The following BYSL variants were observed in gnomAD, a reference collection of about 807,000 sequenced individuals.
BYSL encodes bystin.
BYSL carries 21 observed loss-of-function variants against 45.4 expected under a neutral mutation model. The ratio of observed to expected loss-of-function variants is 0.46; its 90% CI spans 0.33 to 0.67. The LOEUF (loss-of-function observed/expected upper bound fraction) is 0.67, where lower values mean the gene tolerates loss of function less well. Among genes scored for constraint, BYSL ranks in the 30% least tolerant of loss-of-function variants. BYSL has a pLI of 0.02. For synonymous variants in BYSL, 215 were observed against 231.3 expected (o/e 0.93, Z 0.64); for missense variants, 522 against 578.5 (o/e 0.90, Z 1.00).
chr6:41,925,795 C>T (rs893191395), intron 1 of BYSL, among the ~76,000 whole-genome samples: 1 of 152,158 alleles, frequency 6.6e-6, no homozygotes, highest in Non-Finnish European at 1.5e-5. Context: ...AAGCGATTCT[C>T]ATGCCTCAGC....
At chr6:41,930,562 A>G in intron 3 of BYSL, 73 bp from the exon 4 acceptor site, 1 of 1,529,738 alleles carries the variant, frequency 6.5e-7, no homozygotes, top group Non-Finnish European at 8.8e-7. Flanking sequence ...AAAAGCACCC[A>G]GACAAGTTCC....
chr6:41,909,873 T>A, the BYSL span, among the ~76,000 whole-genome samples: 1 of 152,228 alleles, frequency 6.6e-6, no homozygotes, highest in Non-Finnish European at 1.5e-5. Flanking sequence ...TATAATCTTT[T>A]GTATATTATC....
rs762395785 is a variant in BYSL at position 41,921,524 on chromosome 6, C to A, written c.-39C>A. ...AAGCGCATCCTGGCCTTTCTTCAGT[C>A]CCCACGTGCGATCCTTCCCGGCAAC... On this transcript the variant is annotated 5_prime_UTR_variant, in exon 1 of 7. Coordinates refer to ENST00000230340, the MANE Select transcript of BYSL (RefSeq NM_004053.4). 2 of 1,543,282 alleles carry A rather than the reference C, an allele frequency of 1.3e-6. No individual in the cohort carries two copies. The highest frequency in any genetic ancestry group is 1.7e-6 in the Non-Finnish European group (2 of 1,143,914).
the BYSL span, among the ~76,000 whole-genome samples, chr6:41,911,983 G>A: frequency 6.6e-6 from 1 of 152,136 alleles, no homozygotes; most frequent in African/African-American, 2.4e-5. Flanking sequence ...AGTCAACTAA[G>A]GGGTGTGTGT....
intron 1 of BYSL, among the ~76,000 whole-genome samples, chr6:41,925,977 C>T (rs908024067): frequency 6.6e-6 from 1 of 152,238 alleles, no homozygotes; most frequent in Non-Finnish European, 1.5e-5. Flanking sequence ...AGCCACCACG[C>T]CCAGCCAACT....
At chr6:41,927,295 C>T (rs2127385529) in intron 1 of BYSL, 79 bp from the exon 2 acceptor site, 4 of 1,545,062 alleles carry the variant, frequency 2.6e-6, no homozygotes, top group East Asian at 4.5e-5. Context: ...GCCTGTACTA[C>T]ATAATGGCTA....
chr6:41,909,594 C>T, the BYSL span: 5 of 1,569,778 alleles, frequency 3.2e-6, no homozygotes, highest in African/African-American at 1.3e-5. Flanking sequence ...TCAAATGACT[C>T]CCCCCGGAAT....
chr6:41,922,504 T>A (rs138651559), intron 1 of BYSL, among the ~76,000 whole-genome samples: 1 of 152,240 alleles, frequency 6.6e-6, no homozygotes, highest in Non-Finnish European at 1.5e-5. Context: ...TTTGACACAA[T>A]TGAATAGTGG....
chr6:41,911,677 G>A, the BYSL span, among the ~76,000 whole-genome samples: 1 of 152,114 alleles, frequency 6.6e-6, no homozygotes, highest in Non-Finnish European at 1.5e-5. Context: ...GTGTGCAACT[G>A]AAAAGGGTGC....
upstream of BYSL, chr6:41,916,959 A>C: frequency 6.2e-7 from 1 of 1,613,042 alleles, no homozygotes; most frequent in Non-Finnish European, 8.5e-7. Context: ...AGAGCACCAA[A>C]TCGTCAGTTA....
At chr6:41,923,062 C>T (rs148172845) in intron 1 of BYSL, among the ~76,000 whole-genome samples, 1 of 152,286 alleles carries the variant, frequency 6.6e-6, no homozygotes, top group African/African-American at 2.4e-5. Flanking sequence ...ACCATCCTGT[C>T]GTAGCCACCA....
chr6:41,915,476 G>C, the BYSL span, among the ~76,000 whole-genome samples: 1 of 150,756 alleles, frequency 6.6e-6, no homozygotes, highest in South Asian at 2.1e-4. Context: ...CTGGTCAACA[G>C]AGCAAGACTC....
upstream of BYSL, among the ~76,000 whole-genome samples, chr6:41,920,270 C>A (rs1369409219): frequency 6.6e-6 from 1 of 152,146 alleles, no homozygotes; most frequent in African/African-American, 2.4e-5. Context: ...TATCAATACC[C>A]TTTTTTCCTC....
intron 5 of BYSL, 25 bp downstream of exon 5, chr6:41,931,581 A>G: frequency 6.2e-7 from 1 of 1,614,120 alleles, no homozygotes; most frequent in Non-Finnish European, 8.5e-7. Flanking sequence ...GCACGGAAGA[A>G]AGGGAAGGGC....
chr6:41,923,311 C>CTT (rs35517592), intron 1 of BYSL, among the ~76,000 whole-genome samples: 3,650 of 138,790 alleles, frequency 0.026, 105 homozygotes, highest in African/African-American at 0.063. Context: ...CCAACTAATT[C>CTT]TTTTTTTTTT....
the BYSL span, chr6:41,909,494 C>A: frequency 6.2e-7 from 1 of 1,614,208 alleles, no homozygotes; most frequent in Non-Finnish European, 8.5e-7. Context: ...CTGAGTTGTG[C>A]ATCACATACA....
intron 2 of BYSL, among the ~76,000 whole-genome samples, chr6:41,929,731 C>T (rs182362836): frequency 6.6e-6 from 1 of 152,312 alleles, no homozygotes; most frequent in East Asian, 1.9e-4. Context: ...TTTAATCCTT[C>T]CATTAATCTT....
At chr6:41,922,787 C>CTT (rs1288360381) in intron 1 of BYSL, among the ~76,000 whole-genome samples, 1 of 152,224 alleles carries the variant, frequency 6.6e-6, no homozygotes, top group Admixed American at 6.5e-5. Flanking sequence ...AATTTGAAAT[C>CTT]TAACAGACAG....
upstream of BYSL, chr6:41,921,223 A>C: frequency 1.5e-6 from 1 of 682,496 alleles, no homozygotes; most frequent in Non-Finnish European, 2.4e-6. Flanking sequence ...CACTGACATC[A>C]TCTGCGGATT....
Sources: gnomAD v4.1 joint callset for allele counts (sites outside exome capture counted in the v4.1 genomes callset) on GRCh38, gnomAD v4.1.1 for gene constraint, MANE v1.5 for transcripts, NCBI Gene and HGNC (gene_info 2026-07-23, HGNC 2026-07-21) for gene names.